SSH2: variants seen among roughly 807,000 people sequenced by gnomAD.
SSH2 encodes slingshot protein phosphatase 2.
Under a neutral mutation model 135.2 loss-of-function variants are expected in SSH2, and 37 were observed. The ratio of observed to expected loss-of-function variants is 0.27; its 90% CI spans 0.21 to 0.36. The LOEUF (loss-of-function observed/expected upper bound fraction) is 0.36. SSH2 is among the 10% of genes least tolerant of loss of function. The pLI is 1.00. For synonymous variants in SSH2, 628 were observed against 646.2 expected, an observed-to-expected ratio of 0.97 and a Z score of 0.43; for missense variants, 1,408 against 1,765.3, an observed-to-expected ratio of 0.80 and a Z score of 3.63.
chr17:29,786,892 C>T (rs908214804), intron 3 of SSH2, among the ~76,000 whole-genome samples: 1 of 152,142 alleles, frequency 6.6e-6, no homozygotes, highest in African/African-American at 2.4e-5. Context: ...TCGCTGCACT[C>T]CCGCCTGTGT....
At chr17:29,746,692 T>G (rs145235177) in intron 3 of SSH2, among the ~76,000 whole-genome samples, 2 of 152,118 alleles carry the variant, frequency 1.3e-5, no homozygotes, top group East Asian at 3.9e-4. Context: ...AGGAGAGTCC[T>G]GAAGAAATGG....
chr17:29,914,047 C>T (rs1434065030), intron 1 of SSH2, among the ~76,000 whole-genome samples: 1 of 152,176 alleles, frequency 6.6e-6, no homozygotes, highest in African/African-American at 2.4e-5. Context: ...GCAAAGTAAG[C>T]TTGTACCACC....
chr17:29,639,790 C>T (rs987666014), intron 14 of SSH2: 3 of 152,036 alleles, frequency 2.0e-5, no homozygotes, highest in African/African-American at 4.8e-5. Flanking sequence ...CTAAGTTGTA[C>T]ATTATGACCA....
chr17:29,669,455 T>G (rs1412595032), intron 9 of SSH2, among the ~76,000 whole-genome samples: 1 of 152,230 alleles, frequency 6.6e-6, no homozygotes, highest in African/African-American at 2.4e-5. Flanking sequence ...ACATTCTCCC[T>G]GTATTCTCAG....
chr17:29,921,803 C>T (rs2066980991), intron 1 of SSH2, among the ~76,000 whole-genome samples: 1 of 152,092 alleles, frequency 6.6e-6, no homozygotes, highest in Admixed American at 6.6e-5. Flanking sequence ...CTGCCTCAAC[C>T]TCCCAAAGTG....
At chr17:29,679,317 G>A (rs183811065) in intron 6 of SSH2, among the ~76,000 whole-genome samples, 1 of 152,240 alleles carries the variant, frequency 6.6e-6, no homozygotes, top group Non-Finnish European at 1.5e-5. Context: ...ATGGTTAAGA[G>A]CTCTGGAACC....
intron 3 of SSH2, among the ~76,000 whole-genome samples, chr17:29,733,100 C>T (rs956700776): frequency 2.6e-5 from 4 of 152,156 alleles, no homozygotes; most frequent in African/African-American, 4.8e-5. Flanking sequence ...AAGAGTCTTC[C>T]AGCAGTCTTT....
At chr17:29,673,145 T>C (rs989166765) in intron 8 of SSH2, among the ~76,000 whole-genome samples, 1 of 152,232 alleles carries the variant, frequency 6.6e-6, no homozygotes, top group Non-Finnish European at 1.5e-5. Context: ...TAGGAAGTTA[T>C]ACAAGAGCAA....
intron 2 of SSH2, among the ~76,000 whole-genome samples, chr17:29,833,062 G>C (rs1401752637): frequency 6.6e-6 from 1 of 152,170 alleles, no homozygotes; most frequent in Non-Finnish European, 1.5e-5. Context: ...TGTGTATTCT[G>C]TAGCCATTGG....
At chr17:29,842,781 T>A (rs755003594) in intron 2 of SSH2, among the ~76,000 whole-genome samples, 1 of 152,208 alleles carries the variant, frequency 6.6e-6, no homozygotes, top group African/African-American at 2.4e-5. Flanking sequence ...GGTAAAACTA[T>A]GTTTGCCACT....
chr17:29,668,556 C>T (rs1346778298), intron 9 of SSH2, among the ~76,000 whole-genome samples: 2 of 151,644 alleles, frequency 1.3e-5, no homozygotes, highest in East Asian at 1.9e-4. Context: ...TTGGCAAAAC[C>T]GCGTATCTAC....
intron 1 of SSH2, among the ~76,000 whole-genome samples, chr17:29,921,599 G>A (rs144796195): frequency 1.3e-5 from 2 of 151,562 alleles, no homozygotes; most frequent in Admixed American, 1.3e-4. Context: ...TTTTTAAGAG[G>A]GAGTTTCATT....
chr17:29,719,947 T>C (rs1335959343), intron 3 of SSH2, among the ~76,000 whole-genome samples: 1 of 152,134 alleles, frequency 6.6e-6, no homozygotes, highest in Non-Finnish European at 1.5e-5. Flanking sequence ...TTAGTAGAGA[T>C]GGGGTTTCAC....
At chr17:29,781,531 G>C (rs1364960196) in intron 3 of SSH2, among the ~76,000 whole-genome samples, 1 of 139,460 alleles carries the variant, frequency 7.2e-6, no homozygotes, top group African/African-American at 2.7e-5. Context: ...CCGGGCTAGA[G>C]TGCAATGGCG....
At chr17:29,871,769 T>C (rs112101509) in intron 1 of SSH2, among the ~76,000 whole-genome samples, 7 of 152,256 alleles carry the variant, frequency 4.6e-5, no homozygotes, top group South Asian at 2.1e-4. Flanking sequence ...TGGCTGGGAG[T>C]GTAAAATAGT....
At chr17:29,803,155 T>C (rs1599020781) in intron 2 of SSH2, among the ~76,000 whole-genome samples, 1 of 152,324 alleles carries the variant, frequency 6.6e-6, no homozygotes, top group South Asian at 2.1e-4. Flanking sequence ...AACAGCTGTT[T>C]GGGTTATCTA....
At chr17:29,925,526 G>T (rs1395188554) in intron 1 of SSH2, 4 of 398,180 alleles carry the variant, frequency 1.0e-5, no homozygotes, top group African/African-American at 8.3e-5. Context: ...GACCAGCCTG[G>T]GCAGCAAGAC....
chr17:29,768,089 A>G (rs2041488543), intron 3 of SSH2, among the ~76,000 whole-genome samples: 1 of 152,112 alleles, frequency 6.6e-6, no homozygotes, highest in Non-Finnish European at 1.5e-5. Flanking sequence ...ATGATCTATT[A>G]AATTAACTCA....
At chr17:29,866,773 G>T (rs1021141218) in intron 1 of SSH2, among the ~76,000 whole-genome samples, 1 of 152,062 alleles carries the variant, frequency 6.6e-6, no homozygotes, top group Admixed American at 6.6e-5. Context: ...TCCATTTTGG[G>T]TTAGGCTTCT....
Sources: gnomAD v4.1 joint callset for allele counts (sites outside exome capture counted in the v4.1 genomes callset) on GRCh38, gnomAD v4.1.1 for gene constraint, MANE v1.5 for transcripts, NCBI Gene and HGNC (gene_info 2026-07-23, HGNC 2026-07-21) for gene names.